The following PCDHGA8 variants were observed in gnomAD, a reference collection of about 807,000 sequenced individuals.
PCDHGA8 encodes the protein protocadherin gamma-A8.
In PCDHGA8, 45 loss-of-function variants were observed where a neutral mutation model predicts 59.2. The ratio of observed to expected loss-of-function variants is 0.76; its 90% CI spans 0.60 to 0.98. PCDHGA8 has a LOEUF of 0.98. Ranked by LOEUF, PCDHGA8 falls within the 50% of genes least tolerant of loss-of-function variation. The pLI, the probability that PCDHGA8 is intolerant of heterozygous loss-of-function variation, is 0.00. For missense variants in PCDHGA8, 1,257 were observed against 1,196.2 expected (o/e 1.05, Z -0.75); for synonymous variants, 531 against 519.0 (o/e 1.02, Z -0.32).
At chr5:141,423,090 G>T in intron 1 of PCDHGA8, 5 of 1,614,022 alleles carry the variant, frequency 3.1e-6, no homozygotes, top group South Asian at 2.2e-5. Context: ...TCGCGGTGGG[G>T]GAGCACACGG....
In PCDHGA8 at chr5:141,489,375, G is replaced by A. The variant is rs768190252; in HGVS notation, c.2425-5432G>A. The A allele has an allele frequency of 1.2e-5, 19 of 1,613,826 alleles. No individual in the cohort carries two copies. The Admixed American group carries it at 3.2e-4, about 27-fold the overall frequency. ...AGGAGTCTGAGCCGGGGACGCTGGT[G>A]GGGAATGTTGCTCAGGATCTGGGCT... On this transcript the variant is annotated intron_variant, in intron 1 of 3. Transcript: ENST00000398604. The surrounding 1 kb of genome is among the most constrained non-coding windows in gnomAD (Gnocchi z 4.5).
At chr5:141,419,151 C>T (rs2096335413) in intron 1 of PCDHGA8, 2 of 1,613,800 alleles carry the variant, frequency 1.2e-6, no homozygotes, top group African/African-American at 2.7e-5. Context: ...GGCAAGCCTC[C>T]GTTATCCTCC....
rs763743728 is a variant in PCDHGA8, at chr5:141,398,890, G to C, written c.2424+3653G>C. On this transcript the variant is annotated intron_variant, in intron 1 of 3. Coordinates refer to ENST00000398604, the MANE Select transcript of PCDHGA8 (RefSeq NM_032088.2). ...GTACAGAGTCAGCCTTCGGGAAAAC[G>C]TGCCACCAGGCACCACTGTGTTGCA... is the stretch of plus-strand genomic sequence containing the variant. 2.5e-6 allele frequency: 4 copies of C among 1,613,920 alleles called. No homozygotes were observed. The South Asian group carries it at 3.3e-5, about 13-fold the overall frequency.
At chr5:141,403,281 T>A in intron 1 of PCDHGA8, 1 of 1,613,908 alleles carries the variant, frequency 6.2e-7, no homozygotes, top group Non-Finnish European at 8.5e-7. Context: ...AAAGTCCTGG[T>A]TGAAGACAGA....
intron 1 of PCDHGA8, chr5:141,426,927 A>G (rs1480193041): frequency 2.2e-6 from 1 of 456,634 alleles, no homozygotes; most frequent in African/African-American, 2.0e-5. Flanking sequence ...AGCAATGGAC[A>G]TGGGTGACCC....
chr5:141,409,156 A>G (rs771600341), intron 1 of PCDHGA8: 1 of 1,613,986 alleles, frequency 6.2e-7, no homozygotes, highest in Non-Finnish European at 8.5e-7. Flanking sequence ...ACACCATGGA[A>G]GTGGAAGCGA....
chr5:141,460,026 C>T (rs565259315), intron 1 of PCDHGA8, among the ~76,000 whole-genome samples: 36 of 152,090 alleles, frequency 2.4e-4, no homozygotes, highest in Non-Finnish European at 3.2e-4. Flanking sequence ...TGCAGTGAGC[C>T]GAGACTGCAC....
chr5:141,395,448 T>C, intron 1 of PCDHGA8: 1 of 647,116 alleles, frequency 1.5e-6, no homozygotes, highest in Non-Finnish European at 2.5e-6. Flanking sequence ...GAAAAGATTG[T>C]TCAACCATTT....
chr5:141,409,226 G>A (rs753236012), intron 1 of PCDHGA8: 1 of 1,613,862 alleles, frequency 6.2e-7, no homozygotes, highest in African/African-American at 1.3e-5. Flanking sequence ...TGATGAAAAC[G>A]ACAACAGCCC....
In PCDHGA8 at chr5:141,477,798, A is replaced by G; in HGVS notation, c.2425-17009A>G. On this transcript the variant is annotated intron_variant, in intron 1 of 3. Transcript: ENST00000398604. The surrounding 1 kb of genome is among the most constrained non-coding windows in gnomAD (Gnocchi z 4.9). ...GTGAACATATTTGTCACTGATCGCA[A>G]TGACAATGCCCCCCAGGTCCTATAT... The G allele has an allele frequency of 6.2e-7, 1 of 1,614,140 alleles. No homozygotes were observed. The highest frequency in any genetic ancestry group is 8.5e-7 in the Non-Finnish European group (1 of 1,180,038).
intron 1 of PCDHGA8, among the ~76,000 whole-genome samples, chr5:141,464,417 A>C (rs2099083685): frequency 6.6e-6 from 1 of 151,564 alleles, no homozygotes; most frequent in African/African-American, 2.4e-5. Flanking sequence ...ATATATATCT[A>C]TATATATAGA....
chr5:141,404,358 C>T (rs746085915), intron 1 of PCDHGA8: 19 of 1,613,846 alleles, frequency 1.2e-5, no homozygotes, highest in Non-Finnish European at 1.6e-5. Context: ...GCCAGAGGTA[C>T]TTCCATCTTC....
chr5:141,460,414 T>G (rs1289935272), intron 1 of PCDHGA8, among the ~76,000 whole-genome samples: 1 of 152,216 alleles, frequency 6.6e-6, no homozygotes, highest in Non-Finnish European at 1.5e-5. Context: ...GAGTTGATGT[T>G]TATGTATGGT....
chr5:141,416,828 C>T (rs1014962852), intron 1 of PCDHGA8: 2 of 152,042 alleles, frequency 1.3e-5, no homozygotes, highest in African/African-American at 4.8e-5. Context: ...CGAAGTTTCT[C>T]AAGACCCTTA....
rs1368632691 is a variant in PCDHGA8 at position 141,485,071 on chromosome 5, C to A, written c.2425-9736C>A. ...GCCGGCCGAACCGCGCCAGAGCTGG[C>A]GCGGGGAAAGGGAGATAGGTGTCTC... On this transcript the variant is annotated intron_variant, in intron 1 of 3. Coordinates refer to ENST00000398604, the MANE Select transcript of PCDHGA8 (RefSeq NM_032088.2). This position sits in a 1 kb window ranked among gnomAD's most constrained non-coding sequence, Gnocchi z 5.7. 3.3e-6 allele frequency: 3 copies of A among 913,030 alleles called. No individual in the cohort carries two copies. Among genetic ancestry groups the A allele is most frequent in the Non-Finnish European group, 5.1e-6 (3 of 584,604 alleles). 56.6% of individuals were successfully genotyped at this position (913,030 alleles called of 1,614,324 possible).
At chr5:141,503,099 C>T (rs1286557930) in intron 2 of PCDHGA8, among the ~76,000 whole-genome samples, 1 of 151,884 alleles carries the variant, frequency 6.6e-6, no homozygotes, top group Non-Finnish European at 1.5e-5. Context: ...GTGGTCTGCC[C>T]GCCCCTGCCT....
In PCDHGA8 at chr5:141,511,999, C is replaced by G. The variant is rs1049440139; in HGVS notation, c.*826C>G. ...GTGGATGGTGGGGGCATGGACAAAG[C>G]TTGACACATCAAGTTATCAAGGCCT... is the stretch of plus-strand genomic sequence containing the variant. On this transcript the variant is annotated 3_prime_UTR_variant, in exon 4 of 4. Coordinates refer to ENST00000398604, the MANE Select transcript of PCDHGA8 (RefSeq NM_032088.2). 6.5e-6 allele frequency: 1 copy of G among 153,016 alleles called. No individual in the cohort carries two copies. Among genetic ancestry groups the G allele is most frequent in the Non-Finnish European group, 1.5e-5 (1 of 68,392 alleles). The allele number at this position is 153,016 out of a possible 1,614,324, so 9.5% of individuals were successfully genotyped here. A position where few individuals can be genotyped will look rare whatever the true frequency, so the allele number is the denominator to read the frequency against.
intron 1 of PCDHGA8, chr5:141,419,955 T>C: frequency 1.9e-6 from 3 of 1,614,096 alleles, no homozygotes; most frequent in Non-Finnish European, 2.5e-6. Flanking sequence ...TTGGCCTTGA[T>C]TTCTGTGCTC....
At chr5:141,499,399 C>A (rs2099791676) in intron 2 of PCDHGA8, among the ~76,000 whole-genome samples, 1 of 152,072 alleles carries the variant, frequency 6.6e-6, no homozygotes, top group Non-Finnish European at 1.5e-5. Flanking sequence ...ATAGTACATG[C>A]TCATTATAGA....
Sources: allele counts gnomAD v4.1 joint callset (sites outside exome capture counted in the v4.1 genomes callset), GRCh38; gene constraint gnomAD v4.1.1; non-coding constraint Gnocchi (gnomAD v3.1); transcripts MANE v1.5; gene names NCBI Gene and HGNC (gene_info 2026-07-23, HGNC 2026-07-21).